MACROD2: variants seen among roughly 807,000 people sequenced by gnomAD.
MACROD2 encodes mono-ADP ribosylhydrolase 2, also known as ADP-ribose glycohydrolase MACROD2.
Under a neutral mutation model 70.4 loss-of-function variants are expected in MACROD2, and 36 were observed. That is an observed-to-expected ratio of 0.51 (90% CI 0.39 to 0.68). MACROD2 has a LOEUF of 0.68. MACROD2 is among the 30% of genes least tolerant of loss of function. The pLI, the probability that MACROD2 is intolerant of heterozygous loss-of-function variation, is 0.00. For missense variants in MACROD2, 496 were observed against 538.4 expected, an observed-to-expected ratio of 0.92 and a Z score of 0.78; for synonymous variants, 172 against 178.8, an observed-to-expected ratio of 0.96 and a Z score of 0.30.
At chr20:15,406,662 C>T (rs76654394) in intron 6 of MACROD2, among the ~76,000 whole-genome samples, 1,982 of 152,192 alleles carry the variant, frequency 0.013, 44 homozygotes, top group African/African-American at 0.046. Flanking sequence ...ATAAACTTTA[C>T]TAGGCTGGGC....
chr20:15,739,239 G>A (rs373406298), intron 8 of MACROD2, among the ~76,000 whole-genome samples: 3 of 152,178 alleles, frequency 2.0e-5, no homozygotes, highest in Admixed American at 6.5e-5. Context: ...GATGAATTAC[G>A]TTTTGATGAT....
chr20:15,007,007 T>TA (rs944214949), intron 5 of MACROD2, among the ~76,000 whole-genome samples: 19 of 151,216 alleles, frequency 1.3e-4, no homozygotes, highest in Non-Finnish European at 2.2e-4. Context: ...CCAATTGCTT[T>TA]AAAAAAAATA....
intron 5 of MACROD2, among the ~76,000 whole-genome samples, chr20:15,014,255 T>A (rs1304674252): frequency 1.3e-5 from 2 of 152,188 alleles, no homozygotes; most frequent in Non-Finnish European, 2.9e-5. Context: ...AAAATTAAAA[T>A]GTTATCACAA....
chr20:14,516,884 A>G (rs1427515281), intron 4 of MACROD2, among the ~76,000 whole-genome samples: 1 of 152,220 alleles, frequency 6.6e-6, no homozygotes, highest in Non-Finnish European at 1.5e-5. Context: ...AAAAGATATG[A>G]ATGGACACTT....
intron 15 of MACROD2, among the ~76,000 whole-genome samples, chr20:15,991,448 A>G (rs2066557734): frequency 6.6e-6 from 1 of 152,218 alleles, no homozygotes; most frequent in Non-Finnish European, 1.5e-5. Context: ...CAGAGCTTGC[A>G]CTAGCAGTGT....
chr20:14,875,849 A>T (rs953902327), intron 5 of MACROD2, among the ~76,000 whole-genome samples: 8 of 152,092 alleles, frequency 5.3e-5, no homozygotes, highest in African/African-American at 1.7e-4. Context: ...GTATTCCATG[A>T]TGTATATTTA....
intron 15 of MACROD2, among the ~76,000 whole-genome samples, chr20:15,995,989 G>C (rs1223768413): frequency 6.6e-6 from 1 of 151,992 alleles, no homozygotes; most frequent in Non-Finnish European, 1.5e-5. Context: ...CAGACATCAA[G>C]CTACTGATTT....
intron 3 of MACROD2, among the ~76,000 whole-genome samples, chr20:14,215,911 A>C (rs1471258208): frequency 1.3e-5 from 2 of 152,124 alleles, no homozygotes; most frequent in Non-Finnish European, 2.9e-5. Flanking sequence ...ACTGGATATC[A>C]GTCCTTTGTC....
At chr20:14,016,262 T>G (rs1038225470) in intron 2 of MACROD2, among the ~76,000 whole-genome samples, 9 of 152,222 alleles carry the variant, frequency 5.9e-5, no homozygotes, top group Admixed American at 5.2e-4. Flanking sequence ...TGTCCATTGT[T>G]GAGTTGGATT....
intron 8 of MACROD2, among the ~76,000 whole-genome samples, chr20:15,738,712 A>G (rs1014341267): frequency 2.6e-5 from 4 of 152,160 alleles, no homozygotes; most frequent in Non-Finnish European, 4.4e-5. Context: ...AGTTGGGAGC[A>G]TACAGAATCC....
At chr20:14,461,126 A>C (rs189958780) in intron 3 of MACROD2, among the ~76,000 whole-genome samples, 45 of 151,994 alleles carry the variant, frequency 3.0e-4, no homozygotes, top group African/African-American at 9.4e-4. Flanking sequence ...CTATTCAGGG[A>C]TTTGACTTCT....
chr20:14,456,713 C>CTTTTTT (rs10696382), intron 3 of MACROD2, among the ~76,000 whole-genome samples: 15 of 101,132 alleles, frequency 1.5e-4, no homozygotes, highest in East Asian at 6.5e-4. Flanking sequence ...GACTCAGGAT[C>CTTTTTT]TTTTTTTTTT....
intron 5 of MACROD2, chr20:15,197,054 A>G (rs2145922265): frequency 2.0e-6 from 2 of 983,102 alleles, no homozygotes; most frequent in Non-Finnish European, 2.4e-6. Context: ...GCTCACTCTT[A>G]TAAGGTCCTT....
At chr20:14,738,549 T>A (rs918690369) in intron 5 of MACROD2, among the ~76,000 whole-genome samples, 3 of 152,174 alleles carry the variant, frequency 2.0e-5, no homozygotes, top group Admixed American at 2.0e-4. Flanking sequence ...GATTCTTCTC[T>A]GTCAGTGCTT....
chr20:15,851,297 CTT>C (rs2064295559), intron 8 of MACROD2, among the ~76,000 whole-genome samples: 1 of 151,750 alleles, frequency 6.6e-6, no homozygotes, highest in Admixed American at 6.6e-5. Flanking sequence ...GGGAAAGTGT[CTT>C]AGTCTACTCA....
intron 5 of MACROD2, among the ~76,000 whole-genome samples, chr20:15,175,720 G>GT (rs2076455914): frequency 1.3e-5 from 2 of 152,290 alleles, no homozygotes; most frequent in South Asian, 2.1e-4. Context: ...TTCATGTTTA[G>GT]TTTTTTATAC....
intron 3 of MACROD2, among the ~76,000 whole-genome samples, chr20:14,367,663 T>C (rs895261135): frequency 6.6e-6 from 1 of 152,206 alleles, no homozygotes; most frequent in Non-Finnish European, 1.5e-5. Flanking sequence ...GTATGTTGGA[T>C]GAATTGCTTC....
intron 3 of MACROD2, among the ~76,000 whole-genome samples, chr20:14,321,492 C>CA (rs1568553585): frequency 1.3e-5 from 2 of 152,062 alleles, no homozygotes; most frequent in Non-Finnish European, 1.5e-5. Flanking sequence ...AGTCCCAAAA[C>CA]AAAAAGTACG....
intron 8 of MACROD2, among the ~76,000 whole-genome samples, chr20:15,802,561 T>C (rs1470392606): frequency 6.6e-6 from 1 of 152,108 alleles, no homozygotes; most frequent in Admixed American, 6.5e-5. Context: ...TATATAAAGT[T>C]TTCAAATAAA....
Sources: allele counts gnomAD v4.1 joint callset (sites outside exome capture counted in the v4.1 genomes callset), GRCh38; gene constraint gnomAD v4.1.1; transcripts MANE v1.5; gene names NCBI Gene and HGNC (gene_info 2026-07-23, HGNC 2026-07-21).